CALM2: variants seen among roughly 807,000 people sequenced by gnomAD.
CALM2 encodes calmodulin 2, also known as calmodulin-2.
A neutral mutation model predicts 19.8 loss-of-function variants in CALM2; 2 were observed. The observed-to-expected ratio is 0.10, with a 90% CI of 0.04 to 0.32. The LOEUF (loss-of-function observed/expected upper bound fraction) is 0.32, where lower values mean the gene tolerates loss of function less well. CALM2 is among the 10% of genes least tolerant of loss of function. The probability of loss-of-function intolerance (pLI) is 1.00; values close to 1 mark genes in which losing one functional copy is unlikely to be tolerated. For synonymous variants in CALM2, 51 were observed against 52.1 expected (o/e 0.98, Z 0.09); for missense variants, 38 against 178.7 (o/e 0.21, Z 4.49).
At position 47,167,693 on chromosome 2, in the gene CALM2, C is replaced by CAAAAAAAAAAAAAAAAAAAAAAAAAAAA. The variant is rs58897204; in HGVS notation, c.34+3013_34+3040dup. On this transcript the variant is annotated intron_variant, in intron 2 of 5. Transcript: ENST00000272298. ...TGGGCAAGAGAGTGAAGCTCCGTCT[C>CAAAAAAAAAAAAAAAAAAAAAAAAAAAA]AAAAAAAAAAAAAAAAAAAAAAAAA... The CAAAAAAAAAAAAAAAAAAAAAAAAAAAA allele has an allele frequency of 3.1e-4, 11 of 35,968 alleles. 1 individual carries two copies. Among genetic ancestry groups the CAAAAAAAAAAAAAAAAAAAAAAAAAAAA allele is most frequent in the Non-Finnish European group, 3.7e-4 (8 of 21,808 alleles). The allele number at this position is 35,968 out of a possible 1,614,324, so 2.2% of individuals were successfully genotyped here.
chr2:47,172,574 A>T, intron 1 of CALM2: 1 of 701,926 alleles, frequency 1.4e-6, no homozygotes, highest in Non-Finnish European at 2.0e-6. Flanking sequence ...CATGGCATTT[A>T]TTAAGCCCTT....
chr2:47,164,632 T>TA (rs1214008321), intron 2 of CALM2, among the ~76,000 whole-genome samples: 5 of 151,854 alleles, frequency 3.3e-5, no homozygotes, highest in Non-Finnish European at 7.4e-5. Flanking sequence ...TAAAACAGAC[T>TA]AACTTTGATA....
chr2:47,176,913 T>C, upstream of CALM2: 1 of 985,366 alleles, frequency 1.0e-6, no homozygotes, highest in Non-Finnish European at 1.2e-6. Flanking sequence ...CCGTTGCTGC[T>C]CGGGCCGCGC....
intron 1 of CALM2, chr2:47,173,338 T>C (rs1558701292): frequency 6.6e-6 from 1 of 152,204 alleles, no homozygotes; most frequent in East Asian, 1.9e-4. Flanking sequence ...CTCAGTAAAG[T>C]GAAGAAGAAT....
chr2:47,166,484 T>A (rs1350963649), intron 2 of CALM2, among the ~76,000 whole-genome samples: 1 of 152,194 alleles, frequency 6.6e-6, no homozygotes, highest in African/African-American at 2.4e-5. Flanking sequence ...ACACTTAAAA[T>A]GTTTGCTAGA....
At chr2:47,160,956 T>A (rs1440261796) in intron 5 of CALM2, 152 bp from the exon 6 acceptor site, 2 of 535,036 alleles carry the variant, frequency 3.7e-6, no homozygotes, top group East Asian at 6.2e-5. Flanking sequence ...GAAGCTAGTT[T>A]ATTGCCCAGG....
At chr2:47,169,989 G>C (rs1666612955) in intron 2 of CALM2, among the ~76,000 whole-genome samples, 1 of 151,292 alleles carries the variant, frequency 6.6e-6, no homozygotes, top group East Asian at 1.9e-4. Flanking sequence ...CTCCGGCAAG[G>C]GGGGAAAAAA....
At chr2:47,168,696 A>G (rs962418643) in intron 2 of CALM2, among the ~76,000 whole-genome samples, 26 of 152,144 alleles carry the variant, frequency 1.7e-4, no homozygotes, top group African/African-American at 6.0e-4. Context: ...CCTGGGCAAC[A>G]AGAGTGAAAC....
intron 4 of CALM2, 115 bp downstream of exon 4, chr2:47,162,171 C>CAAAAAAAAAAAAAA (rs56839340): frequency 6.7e-4 from 87 of 130,126 alleles, no homozygotes; most frequent in Admixed American, 9.9e-4. Flanking sequence ...GGTAAATCAT[C>CAAAAAAAAAAAAAA]AAAAAAAAAA....
intron 2 of CALM2, among the ~76,000 whole-genome samples, chr2:47,168,395 G>A (rs921756672): frequency 6.6e-6 from 1 of 152,154 alleles, no homozygotes; most frequent in Admixed American, 6.5e-5. Context: ...ACAATAAAGA[G>A]AACAGGTCCT....
At chr2:47,170,843 T>A in intron 1 of CALM2, 79 bp from the exon 2 acceptor site, 1 of 1,133,348 alleles carries the variant, frequency 8.8e-7, no homozygotes, top group East Asian at 2.3e-5. Flanking sequence ...TTAAAACCTT[T>A]CAAGGGTTAC....
In CALM2 at chr2:47,172,415, T is replaced by C; in HGVS notation, c.4-1651A>G. 4.2e-6 allele frequency: 3 copies of C among 707,428 alleles called. No homozygotes were observed. The highest frequency in any genetic ancestry group is 2.3e-6 in the Non-Finnish European group (1 of 444,184). The allele number at this position is 707,428 out of a possible 1,614,324, so 43.8% of individuals were successfully genotyped here. A position where few individuals can be genotyped will look rare whatever the true frequency, so the allele number is the denominator to read the frequency against. ...TAGCACAAGAATAACAATACTTACC[T>C]TGCAGGGTTGTTGTGCAAAGTGAGA... On this transcript the variant is annotated intron_variant, in intron 1 of 5. Coordinates refer to ENST00000272298, the MANE Select transcript of CALM2 (RefSeq NM_001743.6).
At chr2:47,170,925 T>G in intron 1 of CALM2, 161 bp from the exon 2 acceptor site, 1 of 649,264 alleles carries the variant, frequency 1.5e-6, no homozygotes, top group South Asian at 1.8e-5. Context: ...GTTTCTCTTA[T>G]CTTCAAAGCT....
At chr2:47,175,969 C>T (rs747532425) in intron 1 of CALM2, among the ~76,000 whole-genome samples, 1 of 151,814 alleles carries the variant, frequency 6.6e-6, no homozygotes, top group Non-Finnish European at 1.5e-5. Flanking sequence ...GCGCGCTCCT[C>T]CCGCCCCCTG....
chr2:47,176,733 T>G, upstream of CALM2: 1 of 1,374,582 alleles, frequency 7.3e-7, no homozygotes, highest in Non-Finnish European at 9.4e-7. Context: ...AGCGAGCCGT[T>G]AAAAGGCCGG....
At chr2:47,172,327 C>T (rs1162397040) in intron 1 of CALM2, 1 of 432,524 alleles carries the variant, frequency 2.3e-6, no homozygotes. Flanking sequence ...GTATCCCAGC[C>T]CTGCCATTTA....
At chr2:47,161,459 T>C (rs1048193034) in intron 5 of CALM2, among the ~76,000 whole-genome samples, 1 of 152,314 alleles carries the variant, frequency 6.6e-6, no homozygotes, top group Admixed American at 6.5e-5. Flanking sequence ...TATACATGAA[T>C]CACCCAAGAA....
intron 2 of CALM2, among the ~76,000 whole-genome samples, chr2:47,165,393 G>A (rs1236160014): frequency 6.6e-6 from 1 of 152,180 alleles, no homozygotes; most frequent in African/African-American, 2.4e-5. Context: ...ATGCCCACAA[G>A]GGGTATTCAC....
intron 1 of CALM2, among the ~76,000 whole-genome samples, chr2:47,174,631 A>G (rs904034543): frequency 2.0e-5 from 3 of 152,164 alleles, no homozygotes; most frequent in Non-Finnish European, 2.9e-5. Flanking sequence ...TAACTACAAA[A>G]GCTTAACACT....
Sources: allele counts gnomAD v4.1 joint callset (sites outside exome capture counted in the v4.1 genomes callset), GRCh38; gene constraint gnomAD v4.1.1; transcripts MANE v1.5; gene names NCBI Gene and HGNC (gene_info 2026-07-23, HGNC 2026-07-21).